The following FBXL5 variants were observed in gnomAD, a reference collection of about 807,000 sequenced individuals.
FBXL5 encodes F-box/LRR-repeat protein 5.
FBXL5 carries 26 observed loss-of-function variants against 78.3 expected under a neutral mutation model. That is an observed-to-expected ratio of 0.33 (90% CI 0.24 to 0.46). FBXL5 has a LOEUF of 0.46. Among genes scored for constraint, FBXL5 ranks in the 20% least tolerant of loss-of-function variants. The pLI is 1.00. For synonymous variants in FBXL5, 295 were observed against 282.5 expected (o/e 1.04, Z -0.45); for missense variants, 710 against 829.2 (o/e 0.86, Z 1.77).
chr4:15,635,410 A>G (rs1714151604), intron 5 of FBXL5, among the ~76,000 whole-genome samples: 1 of 151,784 alleles, frequency 6.6e-6, no homozygotes, highest in African/African-American at 2.4e-5. Context: ...AATCAGACAT[A>G]AAGTCATAAA....
intron 1 of FBXL5, among the ~76,000 whole-genome samples, chr4:15,674,231 C>T (rs1717883045): frequency 1.3e-5 from 2 of 149,720 alleles, no homozygotes; most frequent in Non-Finnish European, 1.5e-5. Flanking sequence ...AATTCTCTAG[C>T]CCTATGTCAT....
At chr4:15,666,321 C>G (rs747591790) in intron 1 of FBXL5, among the ~76,000 whole-genome samples, 5 of 151,872 alleles carry the variant, frequency 3.3e-5, no homozygotes, top group Non-Finnish European at 7.4e-5. Context: ...ATTGCTTGAG[C>G]CCAGGATGGT....
intron 2 of FBXL5, among the ~76,000 whole-genome samples, chr4:15,641,215 T>C (rs1242514271): frequency 1.3e-5 from 2 of 152,322 alleles, no homozygotes; most frequent in South Asian, 2.1e-4. Flanking sequence ...CCAAGCCTAA[T>C]GGACTGTATC....
intron 1 of FBXL5, among the ~76,000 whole-genome samples, chr4:15,674,307 G>A (rs1334243718): frequency 6.6e-6 from 1 of 151,052 alleles, no homozygotes; most frequent in Non-Finnish European, 1.5e-5. Flanking sequence ...ATGTAGTACC[G>A]CTATTGGTAC....
chr4:15,607,456 ACAATGTTAAT>A (rs1721967162), intron 10 of FBXL5, among the ~76,000 whole-genome samples: 1 of 152,216 alleles, frequency 6.6e-6, no homozygotes, highest in Non-Finnish European at 1.5e-5. Context: ...AAAATAAGAA[ACAATGTTAAT>A]CATCTTAATC....
At chr4:15,644,730 A>T in intron 1 of FBXL5, 22 bp from the exon 2 acceptor site, 1 of 1,544,198 alleles carries the variant, frequency 6.5e-7, no homozygotes, top group Non-Finnish European at 8.8e-7. Flanking sequence ...TTTAAAAAGA[A>T]AAGTGTAATA....
chr4:15,674,202 G>T (rs1189877949), intron 1 of FBXL5, among the ~76,000 whole-genome samples: 2 of 129,988 alleles, frequency 1.5e-5, no homozygotes, highest in African/African-American at 3.0e-5. Flanking sequence ...CAAATGCATC[G>T]TGTTTTTTTT....
At chr4:15,674,800 C>T (rs770891308) in intron 1 of FBXL5, among the ~76,000 whole-genome samples, 91 of 152,148 alleles carry the variant, frequency 6.0e-4, no homozygotes, top group Non-Finnish European at 1.0e-3. Flanking sequence ...CAGGCGCATG[C>T]CACCATGCCT....
chr4:15,653,725 T>C (rs1716437271), intron 1 of FBXL5, among the ~76,000 whole-genome samples: 1 of 152,158 alleles, frequency 6.6e-6, no homozygotes, highest in Non-Finnish European at 1.5e-5. Flanking sequence ...AACACTATAA[T>C]ACTGCTAAGT....
At position 15,616,192 on chromosome 4, in the gene FBXL5, G is replaced by A. The variant is rs550214996; in HGVS notation, c.1851-3778C>T. ...ATCAGGAGGGACAGACTCCAGACGC[G>A]CCACCTTAAGAGCTGTAACACTCAC... is the stretch of plus-strand genomic sequence containing the variant. On this transcript the variant is annotated intron_variant, in intron 9 of 10. Transcript: ENST00000341285. Among the ~76,000 whole-genome samples the A allele has an allele frequency of 3.0e-3, 462 of 152,244 alleles. 3 individuals carry two copies. The highest frequency in any genetic ancestry group is 0.01 in the African/African-American group (432 of 41,538).
intron 9 of FBXL5, among the ~76,000 whole-genome samples, chr4:15,618,208 G>A (rs940323525): frequency 6.6e-6 from 1 of 152,158 alleles, no homozygotes; most frequent in African/African-American, 2.4e-5. Context: ...ATGAAACAGA[G>A]GATATTACCA....
chr4:15,620,190 T>C (rs1237887056), intron 9 of FBXL5, among the ~76,000 whole-genome samples: 1 of 152,090 alleles, frequency 6.6e-6, no homozygotes, highest in Non-Finnish European at 1.5e-5. Flanking sequence ...CCATTTAGAA[T>C]AGCATCAAAG....
upstream of FBXL5, among the ~76,000 whole-genome samples, chr4:15,662,441 A>G (rs1717356917): frequency 6.6e-6 from 1 of 152,336 alleles, no homozygotes; most frequent in African/African-American, 2.4e-5. Flanking sequence ...TAACGGAATA[A>G]GTGTAATAGG....
intron 2 of FBXL5, among the ~76,000 whole-genome samples, chr4:15,644,085 T>C (rs1165404202): frequency 6.6e-6 from 1 of 152,228 alleles, no homozygotes; most frequent in Non-Finnish European, 1.5e-5. Context: ...GAAAAATCTC[T>C]CAGCCTTAGT....
chr4:15,672,042 C>G (rs1466352929), intron 1 of FBXL5, among the ~76,000 whole-genome samples: 1 of 152,146 alleles, frequency 6.6e-6, no homozygotes, highest in Non-Finnish European at 1.5e-5. Flanking sequence ...TGGATTTTAC[C>G]TTTCTAGGTG....
chr4:15,659,746 A>G, upstream of FBXL5: 1 of 984,754 alleles, frequency 1.0e-6, no homozygotes, highest in Non-Finnish European at 1.2e-6. Context: ...TTTACCTCTT[A>G]GTAAATATTG....
intron 1 of FBXL5, among the ~76,000 whole-genome samples, chr4:15,645,930 C>T (rs984665417): frequency 6.6e-6 from 1 of 151,970 alleles, no homozygotes; most frequent in African/African-American, 2.4e-5. Context: ...TTCTTTGGTA[C>T]CTGGGATATA....
intron 9 of FBXL5, among the ~76,000 whole-genome samples, chr4:15,624,287 T>C (rs1712784911): frequency 6.6e-6 from 1 of 152,194 alleles, no homozygotes; most frequent in African/African-American, 2.4e-5. Flanking sequence ...TGCACATCAG[T>C]TTCCACTTAT....
At chr4:15,671,230 T>C (rs561103839) in intron 1 of FBXL5, among the ~76,000 whole-genome samples, 8 of 151,910 alleles carry the variant, frequency 5.3e-5, no homozygotes, top group African/African-American at 1.9e-4. Context: ...GGCCTGGGCA[T>C]GTAATTTTAG....
Sources: gnomAD v4.1 joint callset for allele counts (sites outside exome capture counted in the v4.1 genomes callset) on GRCh38, gnomAD v4.1.1 for gene constraint, MANE v1.5 for transcripts, NCBI Gene and HGNC (gene_info 2026-07-23, HGNC 2026-07-21) for gene names.